TAFA2: variants seen among roughly 807,000 people sequenced by gnomAD.
TAFA2 encodes chemokine-like protein TAFA-2.
Under a neutral mutation model 18.8 loss-of-function variants are expected in TAFA2, and 7 were observed. The ratio of observed to expected loss-of-function variants is 0.37; its 90% confidence interval spans 0.21 to 0.70. The LOEUF (loss-of-function observed/expected upper bound fraction) is 0.70, where lower values mean the gene tolerates loss of function less well. TAFA2 is among the 30% of genes least tolerant of loss of function. The pLI is 0.53. For missense variants in TAFA2, 122 were observed against 158.1 expected (o/e 0.77, Z 1.23); for synonymous variants, 60 against 54.2 (o/e 1.11, Z -0.47).
At position 62,222,641 on chromosome 12, in the gene TAFA2, G is replaced by C. The variant is rs1037116296; in HGVS notation, c.-130+36122C>G. Among the ~76,000 whole-genome samples, 74 of 151,592 alleles carry C rather than the reference G, an allele frequency of 4.9e-4. 1 individual carries two copies. The highest frequency in any genetic ancestry group is 1.7e-3 in the African/African-American group (72 of 41,336). Reference sequence around the variant, plus strand: ...CCTGCCTCAGTCTCACGAGTAGCTGGGACTACAGGTGCCCGCCACCACGCC... The same window carrying C: ...CCTGCCTCAGTCTCACGAGTAGCTGCGACTACAGGTGCCCGCCACCACGCC... On this transcript the variant is annotated intron_variant, in intron 1 of 5. Transcript: ENST00000551619.
chr12:61,852,161 G>A (rs1321771157), intron 2 of TAFA2, among the ~76,000 whole-genome samples: 6 of 150,658 alleles, frequency 4.0e-5, no homozygotes, highest in Non-Finnish European at 7.4e-5. Flanking sequence ...AGCTGAGGTC[G>A]TGCCATTGCA....
chr12:61,711,190 A>G (rs1869391332), intron 4 of TAFA2, among the ~76,000 whole-genome samples: 1 of 152,002 alleles, frequency 6.6e-6, no homozygotes, highest in Admixed American at 6.6e-5. Context: ...CCTGATACAT[A>G]TATACATACA....
chr12:61,944,934 A>T (rs1278567731), intron 1 of TAFA2, among the ~76,000 whole-genome samples: 4 of 142,120 alleles, frequency 2.8e-5, no homozygotes, highest in Admixed American at 2.1e-4. Context: ...AAAAAGAGGG[A>T]ATCCTCCCTA....
chr12:62,021,771 A>T (rs1881148146), intron 1 of TAFA2: 1 of 1,128,838 alleles, frequency 8.9e-7, no homozygotes, highest in Admixed American at 1.7e-5. Context: ...CTGTCTGAGC[A>T]ACACATGGCA....
chr12:61,870,562 T>A (rs936314175), intron 1 of TAFA2, among the ~76,000 whole-genome samples: 1 of 152,128 alleles, frequency 6.6e-6, no homozygotes, highest in Admixed American at 6.5e-5. Flanking sequence ...CAGCAGAATA[T>A]TTTTTTAAGC....
At chr12:62,152,905 C>T (rs571582388) in intron 1 of TAFA2, among the ~76,000 whole-genome samples, 1 of 152,158 alleles carries the variant, frequency 6.6e-6, no homozygotes, top group Admixed American at 6.5e-5. Context: ...TATTGTGATA[C>T]GTTGATGTCT....
At chr12:61,818,490 T>TACAC (rs3034071) in intron 2 of TAFA2, among the ~76,000 whole-genome samples, 16,357 of 140,658 alleles carry the variant, frequency 0.12, 864 homozygotes, top group Middle Eastern at 0.18. Flanking sequence ...CTCAAAAAAA[T>TACAC]ACACACACAC....
In TAFA2 at chr12:61,996,000, T is replaced by C. The variant is rs563125206; in HGVS notation, c.-1-128574A>G. Among the ~76,000 whole-genome samples, 15 of 152,152 alleles carry C rather than the reference T, an allele frequency of 9.9e-5. No homozygotes were observed. The South Asian group carries it at 3.1e-3, about 32-fold the overall frequency. Reference sequence around the variant, plus strand: ...CCCCTCCTCCCCCACAAAAAGACAATTGGCTAATCCATTAGTTGATTTTTT... The same window carrying C: ...CCCCTCCTCCCCCACAAAAAGACAACTGGCTAATCCATTAGTTGATTTTTT... On this transcript the variant is annotated intron_variant, in intron 1 of 4. Coordinates refer to ENST00000416284, the MANE Select transcript of TAFA2 (RefSeq NM_178539.5).
At chr12:61,861,867 A>G (rs1322808882) in intron 2 of TAFA2, among the ~76,000 whole-genome samples, 1 of 152,240 alleles carries the variant, frequency 6.6e-6, no homozygotes, top group African/African-American at 2.4e-5. Context: ...TCTTTGAAAA[A>G]GATCCATTCA....
At chr12:62,055,452 C>T (rs1259568438) in intron 1 of TAFA2, among the ~76,000 whole-genome samples, 2 of 152,006 alleles carry the variant, frequency 1.3e-5, no homozygotes, top group East Asian at 1.9e-4. Flanking sequence ...ACATTGTCTC[C>T]ACTGGTATTA....
chr12:61,738,453 C>T (rs184324902), intron 4 of TAFA2, among the ~76,000 whole-genome samples: 12 of 152,058 alleles, frequency 7.9e-5, no homozygotes, highest in Non-Finnish European at 1.3e-4. Flanking sequence ...CATAGAAATA[C>T]TAGTTGAATA....
chr12:61,948,081 A>C (rs905425941), intron 1 of TAFA2, among the ~76,000 whole-genome samples: 1 of 152,148 alleles, frequency 6.6e-6, no homozygotes, highest in African/African-American at 2.4e-5. Flanking sequence ...CACTTTGAAA[A>C]GTTTCTTTCA....
chr12:61,855,622 T>C (rs1056621754), intron 2 of TAFA2, among the ~76,000 whole-genome samples: 4 of 152,124 alleles, frequency 2.6e-5, no homozygotes, highest in Admixed American at 6.5e-5. Context: ...ATTATGACTA[T>C]AGGCAAAAGA....
chr12:62,195,335 C>CA (rs896326688), upstream of TAFA2, among the ~76,000 whole-genome samples: 17 of 151,826 alleles, frequency 1.1e-4, 1 homozygote, highest in Non-Finnish European at 2.2e-4. Flanking sequence ...AATTCCATCT[C>CA]AAAAAAAACT....
intron 2 of TAFA2, among the ~76,000 whole-genome samples, chr12:61,840,959 C>T (rs1873147134): frequency 6.6e-6 from 1 of 152,018 alleles, no homozygotes; most frequent in Admixed American, 6.6e-5. Context: ...TGTCAAGATC[C>T]CAGTTGTAAA....
intron 1 of TAFA2, among the ~76,000 whole-genome samples, chr12:62,009,724 T>G (rs942178262): frequency 6.6e-6 from 1 of 152,236 alleles, no homozygotes. Context: ...TTCCTTGTTT[T>G]GCAGATGAGG....
At chr12:62,257,162 A>ATGTGTGTGTATATGTATATATACACAATG (rs764477679) in intron 1 of TAFA2, among the ~76,000 whole-genome samples, 6,386 of 50,710 alleles carry the variant, frequency 0.13, 430 homozygotes, top group Admixed American at 0.15. Flanking sequence ...ATACATATAT[A>ATGTGTGTGTATATGTATATATACACAATG]TGTGTGTGTG....
intron 1 of TAFA2, among the ~76,000 whole-genome samples, chr12:62,174,223 G>A (rs2062497348): frequency 6.6e-6 from 1 of 152,176 alleles, no homozygotes; most frequent in Non-Finnish European, 1.5e-5. Flanking sequence ...GGCTGAGGCA[G>A]GAGAATCGCT....
chr12:62,120,237 G>A (rs557421511), intron 1 of TAFA2, among the ~76,000 whole-genome samples: 46 of 152,194 alleles, frequency 3.0e-4, no homozygotes, highest in Admixed American at 5.9e-4. Context: ...CATCTATGTC[G>A]TTCCACAACT....
Sources: allele counts gnomAD v4.1 joint callset (sites outside exome capture counted in the v4.1 genomes callset), GRCh38; gene constraint gnomAD v4.1.1; transcripts MANE v1.5; gene names NCBI Gene and HGNC (gene_info 2026-07-23, HGNC 2026-07-21).